The following CCDC30 variants were observed in gnomAD, a reference collection of about 807,000 sequenced individuals.
The protein encoded by CCDC30 is coiled-coil domain containing 30, also known as coiled-coil domain-containing protein 30.
In CCDC30, 70 loss-of-function variants were observed where a neutral mutation model predicts 100.2. That is an observed-to-expected ratio of 0.70 (90% CI 0.58 to 0.85). The LOEUF is 0.85. Among genes scored for constraint, CCDC30 ranks in the 40% least tolerant of loss-of-function variants. The probability of loss-of-function intolerance (pLI) is 0.00; values close to 1 mark genes in which losing one functional copy is unlikely to be tolerated. For synonymous variants in CCDC30, 233 were observed against 269.5 expected, an observed-to-expected ratio of 0.86 and a Z score of 1.33; for missense variants, 652 against 771.2, an observed-to-expected ratio of 0.85 and a Z score of 1.83.
intron 10 of CCDC30, among the ~76,000 whole-genome samples, chr1:42,605,761 A>G (rs1646490118): frequency 1.3e-5 from 2 of 152,130 alleles, no homozygotes. Flanking sequence ...TGCTTGGATT[A>G]CAAGCATGAG....
In CCDC30 at chr1:42,589,386, A is replaced by G. The variant is rs1344774479; in HGVS notation, c.1067A>G (p.Asn356Ser). ...GTGAGAACCTTACAAGATAAAGAAA[A>G]TCTACTGGAAATGACCTGTTCTCAG... Residue 356 changes from asparagine (N) to serine (S), a missense_variant, in exon 10 of 17, where the codon AAT becomes AGT. Transcript: ENST00000668663. The G allele has an allele frequency of 6.2e-7, 1 of 1,613,730 alleles. No homozygotes were observed. The highest frequency in any genetic ancestry group is 1.3e-5 in the African/African-American group (1 of 74,924).
chr1:42,627,596 G>A (rs1198701101), intron 11 of CCDC30, among the ~76,000 whole-genome samples: 1 of 152,114 alleles, frequency 6.6e-6, no homozygotes, highest in Non-Finnish European at 1.5e-5. Context: ...TTTGTGAGCC[G>A]GTCCCAGGGT....
At chr1:42,531,840 C>T (rs1569935138) in intron 6 of CCDC30, among the ~76,000 whole-genome samples, 2 of 152,266 alleles carry the variant, frequency 1.3e-5, no homozygotes, top group African/African-American at 2.4e-5. Context: ...TGAGTCTCTT[C>T]AGTGTTGTAA....
chr1:42,650,146 A>G (rs556246225), intron 15 of CCDC30, among the ~76,000 whole-genome samples: 1 of 152,270 alleles, frequency 6.6e-6, no homozygotes, highest in South Asian at 2.1e-4. Context: ...GGCAATATTC[A>G]GCAGAAAGAA....
chr1:42,641,575 C>CA (rs909244511), intron 12 of CCDC30, among the ~76,000 whole-genome samples: 23 of 149,038 alleles, frequency 1.5e-4, no homozygotes, highest in Non-Finnish European at 2.2e-4. Context: ...CAAAAAAAAA[C>CA]AAAAAAAACA....
Position 42,556,150 on chromosome 1 carries a change from A to T in CCDC30, c.457-10146A>T. ...TGATAGATTTTATTCTTATATTTGC[A>T]CCAAGTCCCAAATTAGGAGAAAGAA... On this transcript the variant is annotated intron_variant, in intron 6 of 16. Transcript: ENST00000668663. The T allele has an allele frequency of 6.2e-7, 1 of 1,603,766 alleles. No individual in the cohort carries two copies. Among genetic ancestry groups the T allele is most frequent in the Non-Finnish European group, 8.5e-7 (1 of 1,177,228 alleles).
At chr1:42,623,086 T>A (rs1449011861) in intron 11 of CCDC30, among the ~76,000 whole-genome samples, 1 of 152,224 alleles carries the variant, frequency 6.6e-6, no homozygotes, top group African/African-American at 2.4e-5. Context: ...ATTATTGGAT[T>A]TTTTCCTACA....
chr1:42,477,027 T>C (rs1313204587), intron 1 of CCDC30, among the ~76,000 whole-genome samples: 1 of 151,888 alleles, frequency 6.6e-6, no homozygotes, highest in Non-Finnish European at 1.5e-5. Context: ...TTAAAGTTAA[T>C]ATTCTATTTT....
intron 9 of CCDC30, among the ~76,000 whole-genome samples, chr1:42,586,287 A>G (rs1430021018): frequency 2.0e-5 from 3 of 151,962 alleles, no homozygotes; most frequent in African/African-American, 7.3e-5. Context: ...CTCATGCAGA[A>G]CCTTAGATTT....
At chr1:42,461,817 T>C (rs971567592), upstream of CCDC30, among the ~76,000 whole-genome samples, 5 of 152,148 alleles carry the variant, frequency 3.3e-5, no homozygotes, top group Non-Finnish European at 7.4e-5. Context: ...AGTGCTGGCA[T>C]TACAAGCGTG....
At chr1:42,539,274 C>T (rs1295608862) in intron 6 of CCDC30, 3 of 1,605,806 alleles carry the variant, frequency 1.9e-6, no homozygotes, top group South Asian at 1.1e-5. Context: ...TAGCATGTGA[C>T]CTGTTACAAA....
intron 6 of CCDC30, among the ~76,000 whole-genome samples, chr1:42,525,640 A>T (rs1417930323): frequency 6.6e-6 from 1 of 152,198 alleles, no homozygotes; most frequent in African/African-American, 2.4e-5. Context: ...TATGAATTTT[A>T]TATTGTCGAG....
At chr1:42,504,833 A>G (rs1644371872) in intron 6 of CCDC30, among the ~76,000 whole-genome samples, 1 of 152,216 alleles carries the variant, frequency 6.6e-6, no homozygotes, top group Non-Finnish European at 1.5e-5. Flanking sequence ...AAATTTTACC[A>G]TACAAGATCC....
At chr1:42,456,986 G>A in the CCDC30 span, 2 of 1,602,822 alleles carry the variant, frequency 1.2e-6, no homozygotes, top group East Asian at 2.2e-5. Context: ...GGCTGCGGCT[G>A]CAGGCACCTT....
chr1:42,529,607 G>A (rs1268630992), intron 6 of CCDC30: 1 of 152,162 alleles, frequency 6.6e-6, no homozygotes, highest in Non-Finnish European at 1.5e-5. Context: ...TGAAGGAAAA[G>A]CCTCAAGATT....
At chr1:42,570,367 T>TA (rs1049833078) in intron 7 of CCDC30, among the ~76,000 whole-genome samples, 43 of 151,682 alleles carry the variant, frequency 2.8e-4, no homozygotes, top group Admixed American at 1.5e-3. Context: ...ACTTTTTCTT[T>TA]AAAAAAAAGA....
At chr1:42,569,949 C>A (rs12042006) in intron 7 of CCDC30, among the ~76,000 whole-genome samples, 1 of 151,668 alleles carries the variant, frequency 6.6e-6, no homozygotes, top group Non-Finnish European at 1.5e-5. Context: ...ACACAGGGAG[C>A]GGAACATTAC....
chr1:42,541,372 G>C (rs918876671), intron 6 of CCDC30, among the ~76,000 whole-genome samples: 2 of 152,218 alleles, frequency 1.3e-5, no homozygotes, highest in East Asian at 1.9e-4. Flanking sequence ...TGAGGGTAAG[G>C]CTTTCAACAT....
At chr1:42,622,615 C>T (rs1646860783) in intron 11 of CCDC30, among the ~76,000 whole-genome samples, 1 of 151,584 alleles carries the variant, frequency 6.6e-6, no homozygotes. Flanking sequence ...TACAGGCGTA[C>T]TTATGCACCA....
Sources: allele counts gnomAD v4.1 joint callset (sites outside exome capture counted in the v4.1 genomes callset), GRCh38; gene constraint gnomAD v4.1.1; transcripts MANE v1.5; gene names NCBI Gene and HGNC (gene_info 2026-07-23, HGNC 2026-07-21).